Variants in PTPRQ observed in about 807,000 individuals in gnomAD.
The protein encoded by PTPRQ is phosphatidylinositol phosphatase PTPRQ.
A neutral mutation model predicts 246.0 loss-of-function variants in PTPRQ; 199 were observed. The ratio of observed to expected loss-of-function variants is 0.81; its 90% CI spans 0.72 to 0.91. PTPRQ has a LOEUF of 0.91. Ranked by LOEUF, PTPRQ falls within the 40% of genes least tolerant of loss-of-function variation. The pLI is 0.00. For missense variants in PTPRQ, 2,624 were observed against 2,528.4 expected (o/e 1.04, Z -0.81); for synonymous variants, 869 against 853.2 (o/e 1.02, Z -0.32).
At chr12:80,571,495 C>T (rs536674374) in intron 25 of PTPRQ, among the ~76,000 whole-genome samples, 10 of 152,146 alleles carry the variant, frequency 6.6e-5, no homozygotes, top group Non-Finnish European at 1.3e-4. Flanking sequence ...AATAGCTTGA[C>T]TTTCTGTTTT....
At chr12:80,511,439 C>G (rs1895125647) in intron 17 of PTPRQ, among the ~76,000 whole-genome samples, 1 of 152,136 alleles carries the variant, frequency 6.6e-6, no homozygotes, top group Non-Finnish European at 1.5e-5. Flanking sequence ...TTTATTCACT[C>G]ATTCATTCAT....
chr12:80,490,721 C>T (rs1345773521), intron 9 of PTPRQ, among the ~76,000 whole-genome samples: 1 of 151,760 alleles, frequency 6.6e-6, no homozygotes, highest in African/African-American at 2.4e-5. Flanking sequence ...GGTTGGGAAC[C>T]CTGTATTAAA....
At chr12:80,526,739 C>T (rs967474546) in intron 17 of PTPRQ, among the ~76,000 whole-genome samples, 5 of 151,954 alleles carry the variant, frequency 3.3e-5, no homozygotes, top group Admixed American at 6.6e-5. Context: ...CAGGGGCTAA[C>T]GTTGATACTA....
intron 35 of PTPRQ, among the ~76,000 whole-genome samples, chr12:80,636,125 A>C (rs1180797334): frequency 1.3e-5 from 2 of 152,204 alleles, no homozygotes; most frequent in Non-Finnish European, 2.9e-5. Context: ...TTATCACTAA[A>C]TTGCAGGGAA....
intron 25 of PTPRQ, chr12:80,561,680 C>A (rs1164783938): frequency 6.6e-6 from 1 of 152,122 alleles, no homozygotes; most frequent in Non-Finnish European, 1.5e-5. Context: ...GTTTGAGGAA[C>A]TTTTTGGAGA....
intron 25 of PTPRQ, among the ~76,000 whole-genome samples, chr12:80,579,316 C>G (rs557028464): frequency 1.5e-4 from 23 of 152,166 alleles, no homozygotes; most frequent in African/African-American, 5.5e-4. Context: ...CCTGATAATC[C>G]CCCACACTTT....
chr12:80,632,192 G>C lies in PTPRQ; in HGVS notation c.5687G>C (p.Gly1896Ala), dbSNP rs145711051. The C allele has an allele frequency of 7.2e-4, 1,119 of 1,550,556 alleles. 9 individuals carry two copies. The African/African-American group carries it at 0.014, about 19-fold the overall frequency. Residue 1896 changes from glycine to alanine, a missense_variant and splice_region_variant, in exon 34 of 45, where the codon GGG becomes GCG. By Grantham distance (60) the Gly-to-Ala change is moderately conservative. Coordinates refer to ENST00000644991, the MANE Select transcript of PTPRQ (RefSeq NM_001145026.2). Reference sequence around the variant, plus strand: ...TGATCCTGTTATCCCTCTTCTCCAGGGGAAGGACTTTCAGAAAGAACCGTA... The same window carrying C: ...TGATCCTGTTATCCCTCTTCTCCAGCGGAAGGACTTTCAGAAAGAACCGTA... ...SDYSDPVKTL[G>A]EGLSERTVEI...
intron 25 of PTPRQ, among the ~76,000 whole-genome samples, chr12:80,569,593 A>AT (rs992568167): frequency 7.8e-4 from 115 of 146,622 alleles, no homozygotes; most frequent in African/African-American, 1.6e-3. Context: ...AAAAAATTTG[A>AT]TTTTTTTTTT....
At chr12:80,618,348 C>G (rs1282584259) in intron 30 of PTPRQ, among the ~76,000 whole-genome samples, 1 of 145,004 alleles carries the variant, frequency 6.9e-6, no homozygotes, top group Non-Finnish European at 1.5e-5. Flanking sequence ...TACTGATGCT[C>G]AAGCACTACA....
chr12:80,647,008 G>A (rs1818366628), intron 35 of PTPRQ, among the ~76,000 whole-genome samples: 1 of 152,084 alleles, frequency 6.6e-6, no homozygotes, highest in African/African-American at 2.4e-5. Context: ...ATGTCTCTTA[G>A]GGATTTCACA....
In PTPRQ at chr12:80,486,001, T is replaced by C. The variant is rs548364546; in HGVS notation, c.1359+1396T>C. ...TATGATTTTGTCTCTCACTGTGCTA[T>C]ATAGCAAGTGGTTAAGACTGTAAAC... On this transcript the variant is annotated intron_variant, in intron 9 of 44. Coordinates refer to ENST00000644991, the MANE Select transcript of PTPRQ (RefSeq NM_001145026.2). Among the ~76,000 whole-genome samples the C allele has an allele frequency of 4.6e-5, 7 of 152,288 alleles. No homozygotes were observed. The South Asian group carries it at 1.4e-3, about 32-fold the overall frequency.
At chr12:80,592,128 A>G (rs1007915250) in intron 26 of PTPRQ, among the ~76,000 whole-genome samples, 3 of 151,946 alleles carry the variant, frequency 2.0e-5, no homozygotes, top group Non-Finnish European at 4.4e-5. Flanking sequence ...TTTCCAGGAG[A>G]CACAGGGGAA....
At chr12:80,654,693 C>CAAAAAAAA (rs57224729) in intron 38 of PTPRQ, among the ~76,000 whole-genome samples, 1 of 112,106 alleles carries the variant, frequency 8.9e-6, no homozygotes, top group African/African-American at 4.1e-5. Flanking sequence ...ACTAAAAATC[C>CAAAAAAAA]AAAAAAAAAA....
chr12:80,567,115 A>G (rs1261084672), intron 25 of PTPRQ, among the ~76,000 whole-genome samples: 1 of 152,212 alleles, frequency 6.6e-6, no homozygotes, highest in Non-Finnish European at 1.5e-5. Flanking sequence ...ACAATAGTTG[A>G]AAGTAGTTGG....
intron 17 of PTPRQ, among the ~76,000 whole-genome samples, chr12:80,528,369 CTT>C (rs1439319029): frequency 6.6e-6 from 1 of 152,022 alleles, no homozygotes; most frequent in African/African-American, 2.4e-5. Context: ...GAGGTTATGT[CTT>C]TGTCACCTTC....
chr12:80,503,404 T>G (rs1382761179), intron 14 of PTPRQ, among the ~76,000 whole-genome samples: 1 of 151,842 alleles, frequency 6.6e-6, no homozygotes, highest in Non-Finnish European at 1.5e-5. Flanking sequence ...GTATCAATAT[T>G]CTTAAATTAG....
intron 26 of PTPRQ, among the ~76,000 whole-genome samples, chr12:80,595,364 A>C (rs187918247): frequency 6.6e-6 from 1 of 152,224 alleles, no homozygotes; most frequent in East Asian, 1.9e-4. Flanking sequence ...GAAGAAAGGC[A>C]TTTGACTTTA....
chr12:80,655,550 A>G (rs1214079904), intron 38 of PTPRQ, among the ~76,000 whole-genome samples: 1 of 151,716 alleles, frequency 6.6e-6, no homozygotes. Flanking sequence ...TCTATGGGCA[A>G]GTATACCCCC....
At chr12:80,641,283 G>A (rs1899846577) in intron 35 of PTPRQ, among the ~76,000 whole-genome samples, 1 of 152,138 alleles carries the variant, frequency 6.6e-6, no homozygotes, top group Admixed American at 6.5e-5. Context: ...AACTGATTGA[G>A]CGTCCCAAAC....
Sources: gnomAD v4.1 joint callset for allele counts (sites outside exome capture counted in the v4.1 genomes callset) on GRCh38, gnomAD v4.1.1 for gene constraint, MANE v1.5 for transcripts, NCBI Gene and HGNC (gene_info 2026-07-23, HGNC 2026-07-21) for gene names.